Variants in CTTNBP2 observed in about 807,000 individuals in gnomAD.
The protein encoded by CTTNBP2 is cortactin-binding protein 2.
A neutral mutation model predicts 156.9 loss-of-function variants in CTTNBP2; 108 were observed. The ratio of observed to expected loss-of-function variants is 0.69; its 90% confidence interval spans 0.59 to 0.81. The LOEUF (loss-of-function observed/expected upper bound fraction) is 0.81. CTTNBP2 is among the 30% of genes least tolerant of loss of function. CTTNBP2 has a pLI of 0.00. For synonymous variants in CTTNBP2, 767 were observed against 751.8 expected (o/e 1.02, Z -0.33); for missense variants, 1,924 against 2,035.4 (o/e 0.95, Z 1.05).
In CTTNBP2 at chr7:117,770,306, T is replaced by C. The variant is rs1050241866; in HGVS notation, c.2779-3130A>G. Among the ~76,000 whole-genome samples the C allele has an allele frequency of 3.9e-5, 6 of 152,128 alleles. No individual in the cohort carries two copies. In the East Asian group the frequency reaches 1.2e-3, roughly 29 times the overall value. ...CTAATTTTTATTACATTCAGGTAGG[T>C]CAGTGGGCCAGAACATAAGCAGTGA... On this transcript the variant is annotated intron_variant, in intron 8 of 22. Coordinates refer to ENST00000160373, the MANE Select transcript of CTTNBP2 (RefSeq NM_033427.3).
At chr7:117,758,882 A>C (rs2116638772) in intron 10 of CTTNBP2, among the ~76,000 whole-genome samples, 1 of 152,342 alleles carries the variant, frequency 6.6e-6, no homozygotes, top group Admixed American at 6.5e-5. Context: ...CACTGTTCAC[A>C]GAGGTAAACT....
intron 2 of CTTNBP2, among the ~76,000 whole-genome samples, chr7:117,848,567 G>T (rs185542943): frequency 1.2e-4 from 18 of 152,304 alleles, no homozygotes; most frequent in Admixed American, 1.2e-3. Context: ...CCCTGAGGAA[G>T]TAATTGCTAC....
At chr7:117,786,081 T>C (rs1481226099) in intron 4 of CTTNBP2, among the ~76,000 whole-genome samples, 4 of 152,194 alleles carry the variant, frequency 2.6e-5, no homozygotes, top group East Asian at 1.9e-4. Context: ...CTAAATTATC[T>C]TAGCATTTTA....
chr7:117,843,120 G>A (rs1419179993), intron 2 of CTTNBP2, among the ~76,000 whole-genome samples: 8 of 152,162 alleles, frequency 5.3e-5, no homozygotes, highest in Non-Finnish European at 1.2e-4. Flanking sequence ...AAACAATACA[G>A]TATAACAACT....
intron 21 of CTTNBP2, 148 bp from the exon 22 acceptor site, chr7:117,718,267 A>C (rs1794570831): frequency 8.8e-6 from 4 of 454,516 alleles, no homozygotes; most frequent in African/African-American, 4.0e-5. Flanking sequence ...ACATGAAAGA[A>C]AGACTTCAAG....
At chr7:117,819,356 T>TC (rs1554438257) in intron 2 of CTTNBP2, among the ~76,000 whole-genome samples, 1 of 127,070 alleles carries the variant, frequency 7.9e-6, no homozygotes, top group Non-Finnish European at 1.6e-5. Flanking sequence ...TCTTTTCTCC[T>TC]TCTCTCTCTC....
chr7:117,848,331 C>T (rs920177807), intron 2 of CTTNBP2, among the ~76,000 whole-genome samples: 2 of 152,090 alleles, frequency 1.3e-5, no homozygotes, highest in Admixed American at 1.3e-4. Flanking sequence ...CTGTCTTGCC[C>T]ACGCCTCACC....
Position 117,807,493 on chromosome 7 carries a change from C to A in CTTNBP2, c.414+3272G>T, listed in dbSNP as rs559078191. ...GTTCTTTTCTGACCCATTTCCATTT[C>A]TTCGGTTGTCTAGCACTGGAAACTC... On this transcript the variant is annotated intron_variant, in intron 3 of 22. Transcript: ENST00000160373. Among the ~76,000 whole-genome samples the A allele has an allele frequency of 4.9e-4, 74 of 152,282 alleles. 3 individuals are homozygous for A. In the South Asian group the frequency reaches 0.015, roughly 30 times the overall value.
chr7:117,783,232 A>G (rs937172437), intron 5 of CTTNBP2, among the ~76,000 whole-genome samples: 6 of 152,116 alleles, frequency 3.9e-5, no homozygotes, highest in Non-Finnish European at 7.4e-5. Context: ...TTTTGGGAAG[A>G]GTTGCTGCTG....
intron 1 of CTTNBP2, among the ~76,000 whole-genome samples, chr7:117,863,636 T>C (rs989901728): frequency 3.9e-5 from 6 of 152,358 alleles, no homozygotes; most frequent in African/African-American, 1.2e-4. Flanking sequence ...CTGTAACTCA[T>C]GCCATCCTCT....
intron 2 of CTTNBP2, among the ~76,000 whole-genome samples, chr7:117,811,672 T>C (rs1166691777): frequency 3.9e-5 from 6 of 152,086 alleles, no homozygotes; most frequent in Non-Finnish European, 8.8e-5. Context: ...TAAAATTATC[T>C]CTATATCGAT....
chr7:117,805,272 G>T (rs992206114), intron 3 of CTTNBP2, among the ~76,000 whole-genome samples: 1 of 152,066 alleles, frequency 6.6e-6, no homozygotes, highest in African/African-American at 2.4e-5. Context: ...AAATCACAAA[G>T]AATCCAAAGT....
chr7:117,744,519 CTTTT>C (rs1308590049), intron 14 of CTTNBP2, among the ~76,000 whole-genome samples: 1 of 151,980 alleles, frequency 6.6e-6, no homozygotes, highest in Non-Finnish European at 1.5e-5. Context: ...GGATCTCATT[CTTTT>C]TTTTATGGTC....
intron 14 of CTTNBP2, among the ~76,000 whole-genome samples, chr7:117,737,685 C>G (rs1269198969): frequency 6.6e-6 from 1 of 152,156 alleles, no homozygotes; most frequent in East Asian, 1.9e-4. Flanking sequence ...GTGATTTTCC[C>G]GCCTCAGCCT....
chr7:117,780,706 A>T (rs1798382517), intron 6 of CTTNBP2, 115 bp from the exon 7 acceptor site: 1 of 502,330 alleles, frequency 2.0e-6, no homozygotes, highest in South Asian at 5.1e-5. Context: ...ATATACATCA[A>T]TTGTTTCTAT....
At chr7:117,869,080 A>G (rs1400442550) in intron 1 of CTTNBP2, among the ~76,000 whole-genome samples, 1 of 152,236 alleles carries the variant, frequency 6.6e-6, no homozygotes, top group Non-Finnish European at 1.5e-5. Context: ...TGCAGCCTCA[A>G]TCATCATTTT....
intron 3 of CTTNBP2, among the ~76,000 whole-genome samples, chr7:117,809,959 T>G (rs918249024): frequency 6.6e-6 from 1 of 152,238 alleles, no homozygotes; most frequent in Non-Finnish European, 1.5e-5. Context: ...TCTCACTCTC[T>G]TTTCTAATAA....
chr7:117,852,988 G>A (rs1007174808), intron 2 of CTTNBP2, among the ~76,000 whole-genome samples: 1 of 152,090 alleles, frequency 6.6e-6, no homozygotes, highest in African/African-American at 2.4e-5. Flanking sequence ...TCCTAAAGTA[G>A]GGGTACTACC....
chr7:117,860,424 G>C (rs1249619276), intron 2 of CTTNBP2, among the ~76,000 whole-genome samples: 1 of 151,626 alleles, frequency 6.6e-6, no homozygotes, highest in Non-Finnish European at 1.5e-5. Flanking sequence ...CTCACCGCAA[G>C]CTCCACCTCC....
Sources: gnomAD v4.1 joint callset for allele counts (sites outside exome capture counted in the v4.1 genomes callset) on GRCh38, gnomAD v4.1.1 for gene constraint, MANE v1.5 for transcripts, NCBI Gene and HGNC (gene_info 2026-07-23, HGNC 2026-07-21) for gene names.